Variants in SPC24 observed in about 807,000 individuals in gnomAD.
SPC24 encodes the protein kinetochore protein Spc24.
A neutral mutation model predicts 27.6 loss-of-function variants in SPC24; 31 were observed. The observed-to-expected ratio is 1.12, with a 90% CI of 0.84 to 1.52. The LOEUF is 1.52. Ranked by LOEUF, SPC24 falls within the 40% of genes most tolerant of loss-of-function variation. The pLI, the probability that SPC24 is intolerant of heterozygous loss-of-function variation, is 0.00. For synonymous variants in SPC24, 105 were observed against 105.8 expected, an observed-to-expected ratio of 0.99 and a Z score of 0.05; for missense variants, 284 against 252.5, an observed-to-expected ratio of 1.12 and a Z score of -0.84.
Position 11,147,910 on chromosome 19 carries a change from A to G in SPC24, c.411-16T>C, listed in dbSNP as rs764540510. ...AGCCACGTACCTGTACAGGAAGACA[A>G]AAAAAAAAAAAAAAAAAAAAGAAAG... On this transcript the variant is annotated splice_polypyrimidine_tract_variant and intron_variant, in intron 3 of 4. Coordinates refer to ENST00000592540, the MANE Select transcript of SPC24 (RefSeq NM_182513.4). 2 of 662,048 alleles carry G rather than the reference A, an allele frequency of 3.0e-6. No individual in the cohort carries two copies. Among genetic ancestry groups the G allele is most frequent in the Admixed American group, 1.0e-4 (2 of 19,052 alleles). 41.0% of individuals were successfully genotyped at this position (662,048 alleles called of 1,614,324 possible).
At position 11,154,323 on chromosome 19, in the gene SPC24, G is replaced by A. The variant is rs2077895439; in HGVS notation, c.160+1294C>T. On this transcript the variant is annotated intron_variant, in intron 1 of 4. Coordinates refer to ENST00000592540, the MANE Select transcript of SPC24 (RefSeq NM_182513.4). Reference sequence around the variant, plus strand: ...GGGAGGCCGAGGTGGGCGATCACTTGAGGCTGGGAGTTTAAGACCAGCCTA... The same window carrying A: ...GGGAGGCCGAGGTGGGCGATCACTTAAGGCTGGGAGTTTAAGACCAGCCTA... 2.6e-5 allele frequency among the ~76,000 whole-genome samples: 4 copies of A among 152,138 alleles called. No homozygotes were observed. The South Asian group carries it at 8.3e-4, about 31-fold the overall frequency.
chr19:11,149,606 C>T (rs1316181596), intron 1 of SPC24, among the ~76,000 whole-genome samples: 1 of 151,970 alleles, frequency 6.6e-6, no homozygotes, highest in Non-Finnish European at 1.5e-5. Flanking sequence ...TTAGGCTGGG[C>T]ATGGTGGTTC....
intron 1 of SPC24, among the ~76,000 whole-genome samples, chr19:11,150,529 G>T (rs186261046): frequency 1.5e-3 from 230 of 152,114 alleles, no homozygotes; most frequent in Non-Finnish European, 2.5e-3. Context: ...GGGCACAGTG[G>T]CTCATGCCTG....
chr19:11,151,472 T>C (rs1234304472), intron 1 of SPC24, among the ~76,000 whole-genome samples: 3 of 152,218 alleles, frequency 2.0e-5, no homozygotes, highest in Admixed American at 2.0e-4. Context: ...TCACACAGCC[T>C]TCCCACCCGC....
At chr19:11,152,066 A>G (rs1328657030) in intron 1 of SPC24, among the ~76,000 whole-genome samples, 6 of 151,636 alleles carry the variant, frequency 4.0e-5, no homozygotes, top group Admixed American at 3.3e-4. Flanking sequence ...GATTACAGGC[A>G]TGCACCACCA....
Position 11,147,835 on chromosome 19 carries a change from G to T in SPC24, c.470C>A (p.Pro157Gln). The part of the protein sequence containing the change: ...SKIEWDYECE[P>Q]GMVKGIHHGP... ...AAGGATACTGCCTTTGACCATCCCT[G>T]GCTCACACTCATAATCCCACTCAAT... Residue 157 changes from proline to glutamine, a missense_variant, in exon 4 of 5, where the codon CCA becomes CAA. Coordinates refer to ENST00000592540, the MANE Select transcript of SPC24 (RefSeq NM_182513.4). The T allele has an allele frequency of 6.2e-7, 1 of 1,611,154 alleles. No individual in the cohort carries two copies. The highest frequency in any genetic ancestry group is 8.5e-7 in the Non-Finnish European group (1 of 1,179,332).
At chr19:11,154,409 C>T (rs2077896036) in intron 1 of SPC24, among the ~76,000 whole-genome samples, 1 of 151,936 alleles carries the variant, frequency 6.6e-6, no homozygotes, top group South Asian at 2.1e-4. Flanking sequence ...CATGGTGGCG[C>T]ATAAGTGTGT....
At chr19:11,154,286 T>C (rs1460472140) in intron 1 of SPC24, among the ~76,000 whole-genome samples, 3 of 152,152 alleles carry the variant, frequency 2.0e-5, no homozygotes, top group Non-Finnish European at 4.4e-5. Flanking sequence ...ACCCCTGTCA[T>C]CCCAGCACTT....
rs1043709453 is a variant in SPC24, at chr19:11,153,436, G to A, written c.160+2181C>T. Among the ~76,000 whole-genome samples the A allele has an allele frequency of 2.0e-5, 3 of 148,876 alleles. No individual in the cohort carries two copies. In the South Asian group the frequency reaches 6.3e-4, roughly 31 times the overall value. On this transcript the variant is annotated intron_variant, in intron 1 of 4. Coordinates refer to ENST00000592540, the MANE Select transcript of SPC24 (RefSeq NM_182513.4). ...TGCACTCCAGCCTGGGTGACAGAGC[G>A]AGACTCCATATCAAAAAAATAAAAA...
chr19:11,150,427 G>A (rs1396055811), intron 1 of SPC24, among the ~76,000 whole-genome samples: 3 of 151,366 alleles, frequency 2.0e-5, no homozygotes, highest in African/African-American at 4.9e-5. Context: ...CGGAGGTTGC[G>A]GTGAGCCGAC....
intron 4 of SPC24, 89 bp downstream of exon 4, chr19:11,147,729 C>T (rs539135919): frequency 2.3e-5 from 28 of 1,213,288 alleles, no homozygotes; most frequent in African/African-American, 2.0e-4. Context: ...CCACCACACC[C>T]GGCTAATTTT....
At chr19:11,150,002 G>A (rs1024225054) in intron 1 of SPC24, among the ~76,000 whole-genome samples, 3 of 151,414 alleles carry the variant, frequency 2.0e-5, no homozygotes, top group African/African-American at 7.3e-5. Context: ...GAGCCACTGC[G>A]CACGGCAACC....
intron 4 of SPC24, chr19:11,147,529 G>T (rs1163649030): frequency 1.8e-6 from 1 of 567,556 alleles, no homozygotes; most frequent in East Asian, 3.0e-5. Flanking sequence ...CCTGGCCTCA[G>T]GTCTTCTGCC....
At chr19:11,154,751 G>C (rs1246078443) in intron 1 of SPC24, among the ~76,000 whole-genome samples, 2 of 152,166 alleles carry the variant, frequency 1.3e-5, no homozygotes, top group Non-Finnish European at 2.9e-5. Flanking sequence ...GCCAGGGTCT[G>C]AGAAGGGGAT....
intron 2 of SPC24, 32 bp downstream of exon 2, chr19:11,149,062 A>G (rs1008112176): frequency 1.4e-6 from 2 of 1,461,698 alleles, no homozygotes; most frequent in Admixed American, 5.3e-5. Context: ...CGTGTTTTCT[A>G]GCAAGGCTGA....
chr19:11,152,382 G>A (rs529405568), intron 1 of SPC24, among the ~76,000 whole-genome samples: 1 of 151,674 alleles, frequency 6.6e-6, no homozygotes, highest in African/African-American at 2.4e-5. Flanking sequence ...GCTAATTTTT[G>A]TAATTTTAGT....
At chr19:11,155,309 GCT>G (rs1243059039) in intron 1 of SPC24, among the ~76,000 whole-genome samples, 3 of 152,168 alleles carry the variant, frequency 2.0e-5, no homozygotes, top group Non-Finnish European at 4.4e-5. Context: ...CAAACCCGGA[GCT>G]TTGACTCCTG....
rs1037737494 is a variant in SPC24 at position 11,146,323 on chromosome 19, T to C, written c.*860A>G. 5 of 151,438 alleles carry C rather than the reference T, an allele frequency of 3.3e-5. No individual in the cohort carries two copies. Among genetic ancestry groups the C allele is most frequent in the African/African-American group, 1.2e-4 (5 of 41,174 alleles). The allele number at this position is 151,438 out of a possible 1,614,324, so 9.4% of individuals were successfully genotyped here. On this transcript the variant is annotated 3_prime_UTR_variant, in exon 5 of 5. Coordinates refer to ENST00000592540, the MANE Select transcript of SPC24 (RefSeq NM_182513.4). The stretch of plus-strand genomic sequence containing the variant: ...ACCTTGAAGTACCTGGGAGCTGTCA[T>C]CGAATACCACGGTGTCATTTGTCCC...
intron 4 of SPC24, 43 bp downstream of exon 4, chr19:11,147,775 C>A: frequency 1.3e-6 from 2 of 1,543,638 alleles, no homozygotes; most frequent in South Asian, 1.1e-5. Context: ...TATGTCCCTA[C>A]CTACAGTGCA....
Sources: gnomAD v4.1 joint callset for allele counts (sites outside exome capture counted in the v4.1 genomes callset) on GRCh38, gnomAD v4.1.1 for gene constraint, MANE v1.5 for transcripts, NCBI Gene and HGNC (gene_info 2026-07-23, HGNC 2026-07-21) for gene names.